Variants in DNER observed in about 807,000 individuals in gnomAD.
The protein encoded by DNER is delta and Notch-like epidermal growth factor-related receptor.
Under a neutral mutation model 78.2 loss-of-function variants are expected in DNER, and 33 were observed. The ratio of observed to expected loss-of-function variants is 0.42; its 90% CI spans 0.32 to 0.56. The LOEUF (loss-of-function observed/expected upper bound fraction) is 0.56, where lower values mean the gene tolerates loss of function less well. DNER is among the 20% of genes least tolerant of loss of function. DNER has a pLI of 0.11. For synonymous variants in DNER, 417 were observed against 384.8 expected (o/e 1.08, Z -0.98); for missense variants, 918 against 975.3 (o/e 0.94, Z 0.78).
intron 7 of DNER, among the ~76,000 whole-genome samples, chr2:229,472,824 A>C (rs1382672323): frequency 6.6e-6 from 1 of 152,232 alleles, no homozygotes; most frequent in Admixed American, 6.5e-5. Flanking sequence ...ACACTTTCCC[A>C]ATATGAACCT....
chr2:229,421,447 A>AATAT (rs1311857650), intron 8 of DNER, among the ~76,000 whole-genome samples: 7 of 150,252 alleles, frequency 4.7e-5, no homozygotes, highest in Non-Finnish European at 8.9e-5. Context: ...TATATATATA[A>AATAT]ATATATATGT....
chr2:229,465,781 C>A (rs1694792055), intron 7 of DNER, among the ~76,000 whole-genome samples: 1 of 152,080 alleles, frequency 6.6e-6, no homozygotes, highest in Admixed American at 6.5e-5. Context: ...GATGAGAAAT[C>A]AGCAGAGATT....
rs1394108912 is a variant in DNER at position 229,567,009 on chromosome 2, C to CAG, written c.847+18848_847+18849insCT. On this transcript the variant is annotated intron_variant, in intron 4 of 12. Coordinates refer to ENST00000341772, the MANE Select transcript of DNER (RefSeq NM_139072.4). Reference sequence around the variant, plus strand: ...CTCTTCACCACATCTCCACCACCTTCCTCCTTACTCTCCAAGCTCCAGCCT... The same window carrying CAG: ...CTCTTCACCACATCTCCACCACCTTCAGCTCCTTACTCTCCAAGCTCCAGCCT... Among the ~76,000 whole-genome samples, 26 of 152,326 alleles carry CAG rather than the reference C, an allele frequency of 1.7e-4. No individual in the cohort carries two copies. The East Asian group carries it at 4.4e-3, about 26-fold the overall frequency.
At chr2:229,488,128 T>A (rs1373477454) in intron 6 of DNER, among the ~76,000 whole-genome samples, 1 of 152,176 alleles carries the variant, frequency 6.6e-6, no homozygotes, top group Non-Finnish European at 1.5e-5. Context: ...ATGAGAGAAC[T>A]CCAAGAGGGA....
chr2:229,696,128 C>CTGT (rs1699659272), intron 1 of DNER, among the ~76,000 whole-genome samples: 1 of 152,204 alleles, frequency 6.6e-6, no homozygotes, highest in South Asian at 2.1e-4. Flanking sequence ...AACAAGTGAT[C>CTGT]TACAGTCTTT....
chr2:229,470,159 G>T (rs547359858), intron 7 of DNER, among the ~76,000 whole-genome samples: 4 of 152,140 alleles, frequency 2.6e-5, no homozygotes, highest in Non-Finnish European at 5.9e-5. Context: ...TAATTGTCAC[G>T]TGCAGATCTT....
intron 3 of DNER, chr2:229,586,552 ACACAAAACC>A: frequency 3.0e-5 from 3 of 99,112 alleles, no homozygotes; most frequent in Non-Finnish European, 4.4e-5. Flanking sequence ...AAAAAAAAAC[ACACAAAACC>A]ACCCCACAGA....
intron 1 of DNER, among the ~76,000 whole-genome samples, chr2:229,645,786 G>T (rs991385344): frequency 3.9e-5 from 6 of 152,296 alleles, no homozygotes; most frequent in African/African-American, 1.4e-4. Context: ...CCTGTGCAAG[G>T]CACTGAGGAG....
rs772555280 is a variant in DNER, at chr2:229,585,938, C to G, written c.767G>C (p.Arg256Pro). 9.9e-6 allele frequency: 16 copies of G among 1,614,114 alleles called. No homozygotes were observed. The highest frequency in any genetic ancestry group is 2.2e-5 in the East Asian group (1 of 44,864). ...GFQQCSLIDG[R>P]SVTPLQASGG... ...TGAAGCCTGAAGGGGGGTCACACTT[C>G]GTCCATCTATGAGGGAGCACTGTTG... The change falls in exon 4 of 13, where the codon CGA becomes CCA. Residue 256 changes from arginine to proline, a missense_variant. Transcript: ENST00000341772.
At chr2:229,648,550 C>G (rs1698759487) in intron 1 of DNER, among the ~76,000 whole-genome samples, 1 of 152,238 alleles carries the variant, frequency 6.6e-6, no homozygotes, top group Non-Finnish European at 1.5e-5. Context: ...TCTAAAGTCG[C>G]TGTAGCTACT....
At chr2:229,390,756 C>A (rs1692996772) in intron 10 of DNER, among the ~76,000 whole-genome samples, 1 of 152,230 alleles carries the variant, frequency 6.6e-6, no homozygotes, top group South Asian at 2.1e-4. Context: ...CCAGTCAGGG[C>A]CCCACTTAGC....
intron 10 of DNER, among the ~76,000 whole-genome samples, chr2:229,398,368 A>T (rs903803538): frequency 6.6e-6 from 1 of 152,124 alleles, no homozygotes; most frequent in Non-Finnish European, 1.5e-5. Context: ...AAAACTCCCC[A>T]AAAAGAAATC....
intron 8 of DNER, among the ~76,000 whole-genome samples, chr2:229,430,260 T>C (rs1353187663): frequency 6.6e-6 from 1 of 152,208 alleles, no homozygotes; most frequent in Non-Finnish European, 1.5e-5. Context: ...TATTGTGTGA[T>C]ATAAGCGGGT....
chr2:229,530,859 A>G (rs1696288009), intron 5 of DNER, among the ~76,000 whole-genome samples: 1 of 152,232 alleles, frequency 6.6e-6, no homozygotes, highest in East Asian at 1.9e-4. Flanking sequence ...GTTACCGATC[A>G]GTAACAGATA....
At chr2:229,498,733 C>T (rs1215713579) in intron 6 of DNER, among the ~76,000 whole-genome samples, 14 of 151,994 alleles carry the variant, frequency 9.2e-5, no homozygotes, top group Admixed American at 9.2e-4. Context: ...AAATTTAAAA[C>T]TATAAAATTC....
chr2:229,381,600 G>A lies in DNER; in HGVS notation c.1855+6665C>T, dbSNP rs112266078. ...ACTGAAGCTTGGTGGGGGGAGGGGC[G>A]TCCACCATTACTGAGGCTTGAGTAG... is the stretch of plus-strand genomic sequence containing the variant. On this transcript the variant is annotated intron_variant, in intron 11 of 12. Coordinates refer to ENST00000341772, the MANE Select transcript of DNER (RefSeq NM_139072.4). Among the ~76,000 whole-genome samples the A allele has an allele frequency of 4.1e-3, 626 of 152,176 alleles. 7 individuals carry two copies. Among genetic ancestry groups the A allele is most frequent in the African/African-American group, 0.014 (575 of 41,498 alleles).
At chr2:229,389,997 T>C (rs1460235014) in intron 10 of DNER, among the ~76,000 whole-genome samples, 2 of 152,200 alleles carry the variant, frequency 1.3e-5, no homozygotes, top group East Asian at 1.9e-4. Flanking sequence ...GAAATAGTCA[T>C]AGATTAAACT....
intron 11 of DNER, among the ~76,000 whole-genome samples, chr2:229,378,232 C>T (rs535603034): frequency 6.6e-6 from 1 of 152,250 alleles, no homozygotes; most frequent in South Asian, 2.1e-4. Flanking sequence ...GCACTTTTGC[C>T]TTCCAGAACT....
At chr2:229,671,072 T>C (rs1390732321) in intron 1 of DNER, among the ~76,000 whole-genome samples, 1 of 152,102 alleles carries the variant, frequency 6.6e-6, no homozygotes, top group African/African-American at 2.4e-5. Context: ...AATTTTATAA[T>C]CAGAAAAAGA....
Sources: gnomAD v4.1 joint callset for allele counts (sites outside exome capture counted in the v4.1 genomes callset) on GRCh38, gnomAD v4.1.1 for gene constraint, MANE v1.5 for transcripts, NCBI Gene and HGNC (gene_info 2026-07-23, HGNC 2026-07-21) for gene names.